The following SP110 variants were observed in gnomAD, a reference collection of about 807,000 sequenced individuals.
SP110 encodes SP110 nuclear body protein.
SP110 carries 62 observed loss-of-function variants against 92.7 expected under a neutral mutation model. The ratio of observed to expected loss-of-function variants is 0.67; its 90% confidence interval spans 0.55 to 0.83. SP110 has a LOEUF of 0.83. Among genes scored for constraint, SP110 ranks in the 40% least tolerant of loss-of-function variants. The pLI, the probability that SP110 is intolerant of heterozygous loss-of-function variation, is 0.00. For missense variants in SP110, 793 were observed against 863.9 expected, an observed-to-expected ratio of 0.92 and a Z score of 1.03; for synonymous variants, 273 against 305.3, an observed-to-expected ratio of 0.89 and a Z score of 1.10.
At chr2:230,189,557 T>C (rs1443380170) in intron 10 of SP110, among the ~76,000 whole-genome samples, 2 of 152,222 alleles carry the variant, frequency 1.3e-5, no homozygotes, top group African/African-American at 2.4e-5. Context: ...ATACTTAATA[T>C]AATTTCAATT....
chr2:230,213,389 T>A (rs898469973), intron 3 of SP110, among the ~76,000 whole-genome samples: 7 of 152,216 alleles, frequency 4.6e-5, no homozygotes, highest in African/African-American at 1.7e-4. Flanking sequence ...GGTCTCTGTT[T>A]TAATAAATAA....
intron 3 of SP110, among the ~76,000 whole-genome samples, chr2:230,214,545 G>A (rs991429950): frequency 1.3e-5 from 2 of 152,148 alleles, no homozygotes; most frequent in Non-Finnish European, 2.9e-5. Context: ...AAGTGTTTGC[G>A]ATAAGGCACC....
intron 14 of SP110, chr2:230,176,416 C>G (rs889218413): frequency 3.0e-6 from 4 of 1,341,058 alleles, no homozygotes; most frequent in African/African-American, 1.5e-5. Context: ...ATTTCTGACA[C>G]CTTTGGTTTA....
chr2:230,222,558 A>G (rs2045908371), upstream of SP110, among the ~76,000 whole-genome samples: 1 of 152,034 alleles, frequency 6.6e-6, no homozygotes, highest in Non-Finnish European at 1.5e-5. Context: ...GTCTCTACAA[A>G]AATACATTTT....
At position 230,212,814 on chromosome 2, in the gene SP110, G is replaced by A; in HGVS notation, c.530C>T (p.Ser177Phe). The A allele has an allele frequency of 6.2e-7, 1 of 1,614,158 alleles. No individual in the cohort carries two copies. The highest frequency in any genetic ancestry group is 8.5e-7 in the Non-Finnish European group (1 of 1,180,018). ...TGCAGGGAGAGGCAGGACAGGGTCAGATGGGCTGGGCGACTCACTCAGGAT... is the reference window on the plus strand; with the variant it reads ...TGCAGGGAGAGGCAGGACAGGGTCAAATGGGCTGGGCGACTCACTCAGGAT... Reference protein sequence around the residue: ...DEILSESPSPSDPVLPLPALI... With the variant: ...DEILSESPSPFDPVLPLPALI... The change falls in exon 4 of 19, where the codon TCT (serine) becomes TTT (phenylalanine). Residue 177 changes from serine to phenylalanine, a missense_variant. Coordinates refer to ENST00000258381, the MANE Select transcript of SP110 (RefSeq NM_080424.4).
chr2:230,176,417 C>T, intron 14 of SP110: 1 of 1,345,814 alleles, frequency 7.4e-7, no homozygotes, highest in South Asian at 1.6e-5. Context: ...TTTCTGACAC[C>T]TTTGGTTTAT....
At chr2:230,170,562 T>A in intron 18 of SP110, 59 bp downstream of exon 18, 1 of 1,598,938 alleles carries the variant, frequency 6.3e-7, no homozygotes, top group South Asian at 1.1e-5. Context: ...AATTCTGCTG[T>A]CCCAGAAATT....
In SP110 at chr2:230,169,218, A is replaced by G. The variant is rs1448164155; in HGVS notation, c.2048T>C (p.Val683Ala). 3 of 1,609,888 alleles carry G rather than the reference A, an allele frequency of 1.9e-6. No individual in the cohort carries two copies. The African/African-American group carries it at 4.0e-5, about 22-fold the overall frequency. The part of the protein sequence containing the change: ...TFYKASDFGQ[V>A]GLDLEAEFEK... ...AAATTCTGCCTCTAAGTCAAGTCCT[A>G]CCTGGCCAAAGTCAGAAGCCTGAAA... is the stretch of plus-strand genomic sequence containing the variant. Residue 683 changes from valine (V) to alanine (A), a missense_variant, in exon 19 of 19, where the codon GTA becomes GCA. By Grantham distance (64) the Val-to-Ala change is moderately conservative. Coordinates refer to ENST00000258381, the MANE Select transcript of SP110 (RefSeq NM_080424.4).
chr2:230,211,037 C>A lies in SP110; in HGVS notation c.751+433G>T, dbSNP rs562757425. ...TGCATTTTGACAGAGCCGTTTTGAGCACTACTTTATTGAAGTGGCCTCAGA... is the reference window on the plus strand; with the variant it reads ...TGCATTTTGACAGAGCCGTTTTGAGAACTACTTTATTGAAGTGGCCTCAGA... On this transcript the variant is annotated intron_variant, in intron 6 of 18. Coordinates refer to ENST00000258381, the MANE Select transcript of SP110 (RefSeq NM_080424.4). This position sits in a 1 kb window ranked among gnomAD's most constrained non-coding sequence, Gnocchi z 4.2. Among the ~76,000 whole-genome samples, 3 of 152,306 alleles carry A rather than the reference C, an allele frequency of 2.0e-5. No individual in the cohort carries two copies. The highest frequency in any genetic ancestry group is 7.2e-5 in the African/African-American group (3 of 41,570).
intron 14 of SP110, chr2:230,176,395 T>G: frequency 8.0e-7 from 1 of 1,245,840 alleles, no homozygotes; most frequent in Non-Finnish European, 1.0e-6. Context: ...TGCCTAGGCT[T>G]AGAGCATTTT....
chr2:230,170,800 T>C (rs373263945), intron 17 of SP110, 39 bp from the exon 18 acceptor site: 23 of 1,606,444 alleles, frequency 1.4e-5, no homozygotes, highest in Non-Finnish European at 1.9e-5. Context: ...TTAGCACAGC[T>C]GTCATCACTG....
Position 230,211,372 on chromosome 2 carries a change from C to G in SP110, c.751+98G>C, listed in dbSNP as rs2044454523. On this transcript the variant is annotated intron_variant, in intron 6 of 18. Coordinates refer to ENST00000258381, the MANE Select transcript of SP110 (RefSeq NM_080424.4). The surrounding 1 kb of genome is among the most constrained non-coding windows in gnomAD (Gnocchi z 4.2). ...AAGCTGGGCCAAGATTGCTGAGAGG[C>G]AGGAGGAGAGCCCCCTCTCTAGAAG... 2 of 820,292 alleles carry G rather than the reference C, an allele frequency of 2.4e-6. No homozygotes were observed. The highest frequency in any genetic ancestry group is 4.9e-5 in the East Asian group (2 of 41,034). The allele number at this position is 820,292 out of a possible 1,614,324, so 50.8% of individuals were successfully genotyped here. A position where few individuals can be genotyped will look rare whatever the true frequency, so the allele number is the denominator to read the frequency against.
intron 1 of SP110, among the ~76,000 whole-genome samples, chr2:230,218,501 C>CT (rs1319779315): frequency 1.3e-5 from 2 of 152,130 alleles, no homozygotes; most frequent in African/African-American, 4.8e-5. Context: ...GTGCAAAGAT[C>CT]AGTGCAAAGT....
intron 1 of SP110, among the ~76,000 whole-genome samples, chr2:230,219,219 C>T (rs554362355): frequency 2.6e-5 from 4 of 151,954 alleles, no homozygotes; most frequent in Non-Finnish European, 5.9e-5. Flanking sequence ...AGCGAGACTC[C>T]GTCTCAGAAA....
chr2:230,200,261 G>A (rs1184282940), intron 10 of SP110, among the ~76,000 whole-genome samples: 2 of 152,118 alleles, frequency 1.3e-5, no homozygotes, highest in East Asian at 1.9e-4. Context: ...GCAAACAGAC[G>A]AATATCTAGC....
rs771195783 is a variant in SP110, at chr2:230,178,134, G to A, written c.1447+23C>T. 4 of 1,445,444 alleles carry A rather than the reference G, an allele frequency of 2.8e-6. No individual in the cohort carries two copies. The South Asian group carries it at 3.5e-5, about 13-fold the overall frequency. 89.5% of individuals were successfully genotyped at this position (1,445,444 alleles called of 1,614,324 possible). On this transcript the variant is annotated intron_variant, in intron 13 of 18. Coordinates refer to ENST00000258381, the MANE Select transcript of SP110 (RefSeq NM_080424.4). ...GAGTCCTTCATCTAGGGATTCCAAA[G>A]AGCAGAAGACCAAGGAACTCACCGT...
intron 9 of SP110, among the ~76,000 whole-genome samples, chr2:230,202,089 CAT>C (rs769285686): frequency 9.2e-5 from 14 of 152,124 alleles, no homozygotes; most frequent in Non-Finnish European, 1.8e-4. Context: ...TTTGCACAAA[CAT>C]AAAATGATGT....
chr2:230,197,899 A>T (rs2042953491), intron 10 of SP110, among the ~76,000 whole-genome samples: 1 of 152,040 alleles, frequency 6.6e-6, no homozygotes, highest in Non-Finnish European at 1.5e-5. Flanking sequence ...CAATTCTCCC[A>T]TGTTGGCCTC....
intron 6 of SP110, among the ~76,000 whole-genome samples, chr2:230,210,474 T>C (rs2044347580): frequency 6.6e-6 from 1 of 152,204 alleles, no homozygotes; most frequent in South Asian, 2.1e-4. Context: ...TACATCTTAT[T>C]GCTTTGACGT....
Sources: gnomAD v4.1 joint callset for allele counts (sites outside exome capture counted in the v4.1 genomes callset) on GRCh38, gnomAD v4.1.1 for gene constraint, Gnocchi (gnomAD v3.1) non-coding constraint, MANE v1.5 for transcripts, NCBI Gene and HGNC (gene_info 2026-07-23, HGNC 2026-07-21) for gene names.